DDX4: variants seen among roughly 807,000 people sequenced by gnomAD.
DDX4 encodes probable ATP-dependent RNA helicase DDX4.
Under a neutral mutation model 100.0 loss-of-function variants are expected in DDX4, and 25 were observed. The observed-to-expected ratio is 0.25, with a 90% CI of 0.18 to 0.35. The LOEUF is 0.35. Among genes scored for constraint, DDX4 ranks in the 10% least tolerant of loss-of-function variants. The pLI is 1.00. For synonymous variants in DDX4, 259 were observed against 275.7 expected, an observed-to-expected ratio of 0.94 and a Z score of 0.60; for missense variants, 635 against 882.4, an observed-to-expected ratio of 0.72 and a Z score of 3.55.
chr5:55,773,946 A>G (rs1741405912), intron 7 of DDX4, among the ~76,000 whole-genome samples: 1 of 151,920 alleles, frequency 6.6e-6, no homozygotes. Flanking sequence ...TTTTGATTGC[A>G]TTTTTTGATG....
At chr5:55,750,617 A>C (rs1759498143) in intron 3 of DDX4, among the ~76,000 whole-genome samples, 1 of 152,132 alleles carries the variant, frequency 6.6e-6, no homozygotes, top group Non-Finnish European at 1.5e-5. Context: ...CATTAACCTC[A>C]AATATTTCTT....
intron 2 of DDX4, among the ~76,000 whole-genome samples, chr5:55,739,988 A>G (rs1561475684): frequency 6.6e-6 from 1 of 152,110 alleles, no homozygotes; most frequent in Non-Finnish European, 1.5e-5. Flanking sequence ...CGACATTCTC[A>G]AAGTGTTGGG....
intron 18 of DDX4, among the ~76,000 whole-genome samples, chr5:55,802,550 C>T (rs1743388422): frequency 1.3e-5 from 2 of 152,194 alleles, no homozygotes; most frequent in Non-Finnish European, 2.9e-5. Flanking sequence ...AGGACTAGTC[C>T]TGGAAATCTC....
chr5:55,794,830 T>C (rs919803138), intron 17 of DDX4, among the ~76,000 whole-genome samples: 5 of 152,196 alleles, frequency 3.3e-5, no homozygotes, highest in Admixed American at 6.5e-5. Context: ...TGCCCATCAT[T>C]CTGTGCGAAG....
chr5:55,810,165 C>T (rs1032814432), intron 18 of DDX4, among the ~76,000 whole-genome samples: 12 of 152,036 alleles, frequency 7.9e-5, no homozygotes, highest in African/African-American at 2.4e-4. Flanking sequence ...AGTGTGACTG[C>T]GTGATCTTGG....
At chr5:55,791,192 T>G (rs563359493) in intron 16 of DDX4, among the ~76,000 whole-genome samples, 2 of 152,270 alleles carry the variant, frequency 1.3e-5, no homozygotes, top group African/African-American at 4.8e-5. Context: ...TTAAAAAGAT[T>G]TTAGGGCCAT....
At chr5:55,772,379 G>A (rs1226809076) in intron 7 of DDX4, among the ~76,000 whole-genome samples, 1 of 152,120 alleles carries the variant, frequency 6.6e-6, no homozygotes, top group Non-Finnish European at 1.5e-5. Flanking sequence ...TAAATTAGGT[G>A]GCTTATATAT....
Position 55,790,603 on chromosome 5 carries a change from TG to T in DDX4, c.1205del (p.Gly402GlufsTer11). 1 of 1,602,314 alleles carries T rather than the reference TG, an allele frequency of 6.2e-7. No individual in the cohort carries two copies. The highest frequency in any genetic ancestry group is 8.6e-7 in the Non-Finnish European group (1 of 1,169,414). On this transcript the variant is annotated frameshift_variant, in exon 16 of 22. Coordinates refer to ENST00000505374, the MANE Select transcript of DDX4 (RefSeq NM_024415.3). LOFTEE classifies it high-confidence loss of function. Reference protein sequence around the residue: ...GTCVRAVVIYGGTQLGHSIRQ... With the variant: ...GTCVRAVVIYXGTQLGHSIRQ... ...CTTGTGTAAGAGCTGTTGTTATATA[TG>T]GGGGAACCCAGCTGGGACATTCAAT...
chr5:55,791,310 T>A (rs2112050942), intron 16 of DDX4, among the ~76,000 whole-genome samples: 1 of 152,294 alleles, frequency 6.6e-6, no homozygotes, highest in East Asian at 1.9e-4. Context: ...AAAGGGTGCT[T>A]CTGAGTTAAG....
chr5:55,770,982 G>A (rs1254259429), intron 7 of DDX4, among the ~76,000 whole-genome samples: 1 of 152,092 alleles, frequency 6.6e-6, no homozygotes, highest in Non-Finnish European at 1.5e-5. Flanking sequence ...AGCTCTATGT[G>A]CTTGGTCCTG....
At chr5:55,806,301 G>A (rs1743710364) in intron 18 of DDX4, among the ~76,000 whole-genome samples, 1 of 151,988 alleles carries the variant, frequency 6.6e-6, no homozygotes, top group African/African-American at 2.4e-5. Context: ...TTTTTTGAAG[G>A]GTTTTTTTTG....
intron 18 of DDX4, among the ~76,000 whole-genome samples, chr5:55,801,039 C>T (rs1743264537): frequency 6.6e-6 from 1 of 151,714 alleles, no homozygotes; most frequent in African/African-American, 2.4e-5. Context: ...TCTTTAGTTA[C>T]GAAAGGAACC....
chr5:55,765,250 ACTTGAC>A (rs1329099539), intron 6 of DDX4, among the ~76,000 whole-genome samples: 1 of 151,724 alleles, frequency 6.6e-6, no homozygotes, highest in East Asian at 1.9e-4. Context: ...CTTTCTACCT[ACTTGAC>A]CCCTTTGTAG....
At chr5:55,813,913 A>G in intron 19 of DDX4, 141 bp downstream of exon 19, 11 of 1,050,630 alleles carry the variant, frequency 1.0e-5, no homozygotes, top group Non-Finnish European at 1.4e-5. Context: ...ATTCTCCTTT[A>G]TATGAGGAAA....
Position 55,815,434 on chromosome 5 carries a change from A to C in DDX4, c.2097+11A>C, listed in dbSNP as rs749231646. 1.3e-6 allele frequency: 2 copies of C among 1,598,114 alleles called. No homozygotes were observed. Among genetic ancestry groups the C allele is most frequent in the Non-Finnish European group, 1.7e-6 (2 of 1,176,138 alleles). ...GTTGATACCAGAAAGGTTAGTAGAAAGGAAAACTTGAGAACTTGTCTTCTA... is the reference window on the plus strand; with the variant it reads ...GTTGATACCAGAAAGGTTAGTAGAACGGAAAACTTGAGAACTTGTCTTCTA... On this transcript the variant is annotated intron_variant, in intron 21 of 21. Transcript: ENST00000505374.
At chr5:55,810,665 A>G (rs1406803511) in intron 18 of DDX4, among the ~76,000 whole-genome samples, 2 of 152,234 alleles carry the variant, frequency 1.3e-5, no homozygotes, top group East Asian at 1.9e-4. Flanking sequence ...AAATAGTAAT[A>G]CATCTAAAAA....
intron 2 of DDX4, among the ~76,000 whole-genome samples, chr5:55,741,241 T>C (rs1425493203): frequency 1.3e-5 from 2 of 152,236 alleles, no homozygotes; most frequent in Non-Finnish European, 2.9e-5. Flanking sequence ...CTTTCAAATT[T>C]CCCTTTTTGG....
At chr5:55,767,098 GAA>G in intron 6 of DDX4, 3 of 1,269,074 alleles carry the variant, frequency 2.4e-6, no homozygotes, top group Non-Finnish European at 3.1e-6. Context: ...ATGAATGGGG[GAA>G]AGTTTGCATA....
intron 18 of DDX4, among the ~76,000 whole-genome samples, chr5:55,810,179 A>G (rs892932755): frequency 6.0e-4 from 91 of 151,956 alleles, no homozygotes; most frequent in East Asian, 5.8e-4. Context: ...ATCTTGGCTC[A>G]CTGCAGCCTC....
Sources: allele counts gnomAD v4.1 joint callset (sites outside exome capture counted in the v4.1 genomes callset), GRCh38; gene constraint gnomAD v4.1.1; transcripts MANE v1.5; gene names NCBI Gene and HGNC (gene_info 2026-07-23, HGNC 2026-07-21).